The following VPS13B variants were observed in gnomAD, a reference collection of about 807,000 sequenced individuals.
VPS13B encodes vacuolar protein sorting 13 homolog B, also known as intermembrane lipid transfer protein VPS13B.
A neutral mutation model predicts 426.4 loss-of-function variants in VPS13B; 285 were observed. The observed-to-expected ratio is 0.67, with a 90% confidence interval of 0.61 to 0.74. The LOEUF is 0.74. VPS13B is among the 30% of genes least tolerant of loss of function. The pLI, the probability that VPS13B is intolerant of heterozygous loss-of-function variation, is 0.00. For missense variants in VPS13B, 4,537 were observed against 4,782.6 expected, an observed-to-expected ratio of 0.95 and a Z score of 1.51; for synonymous variants, 1,676 against 1,676.4, an observed-to-expected ratio of 1.00 and a Z score of 0.01.
At chr8:99,676,132 G>A (rs780358220) in intron 35 of VPS13B, among the ~76,000 whole-genome samples, 1 of 151,850 alleles carries the variant, frequency 6.6e-6, no homozygotes, top group Non-Finnish European at 1.5e-5. Flanking sequence ...GAACTTTTTG[G>A]TCATGTTGTC....
intron 17 of VPS13B, among the ~76,000 whole-genome samples, chr8:99,271,204 T>A (rs936380587): frequency 4.7e-4 from 52 of 109,782 alleles, no homozygotes; most frequent in African/African-American, 1.5e-3. Flanking sequence ...TAACTACTAC[T>A]ACTACTACTA....
intron 19 of VPS13B, among the ~76,000 whole-genome samples, chr8:99,295,984 G>C (rs1301532152): frequency 4.6e-5 from 7 of 152,116 alleles, no homozygotes; most frequent in Non-Finnish European, 1.0e-4. Context: ...AGTGAGCTCT[G>C]TTTGCATCAC....
At chr8:99,714,138 C>CAA (rs1166159886) in intron 36 of VPS13B, among the ~76,000 whole-genome samples, 3,332 of 65,000 alleles carry the variant, frequency 0.051, 84 homozygotes, top group East Asian at 0.11. Context: ...GACTCTGTCT[C>CAA]AAAAAAAAAA....
chr8:99,548,420 TA>T (rs1304996529), intron 30 of VPS13B, among the ~76,000 whole-genome samples: 2 of 151,886 alleles, frequency 1.3e-5, no homozygotes, highest in Non-Finnish European at 2.9e-5. Context: ...CCAAAAACTT[TA>T]AAAAAACTCT....
intron 35 of VPS13B, among the ~76,000 whole-genome samples, chr8:99,676,426 A>G (rs1830934956): frequency 6.6e-6 from 1 of 152,068 alleles, no homozygotes; most frequent in African/African-American, 2.4e-5. Context: ...GTACATGGGT[A>G]CTGACCTAAA....
intron 3 of VPS13B, among the ~76,000 whole-genome samples, chr8:99,059,521 C>T (rs912102634): frequency 6.6e-6 from 1 of 151,954 alleles, no homozygotes; most frequent in African/African-American, 2.4e-5. Flanking sequence ...TACAGTCTGC[C>T]CTCTGTACCA....
chr8:99,648,306 G>T (rs891421478), intron 34 of VPS13B, among the ~76,000 whole-genome samples: 15 of 152,116 alleles, frequency 9.9e-5, no homozygotes, highest in African/African-American at 3.1e-4. Context: ...GCCATGGAGG[G>T]TTGTGAAACA....
chr8:99,633,909 A>G (rs1828964203), intron 33 of VPS13B, among the ~76,000 whole-genome samples: 1 of 151,748 alleles, frequency 6.6e-6, no homozygotes, highest in South Asian at 2.1e-4. Context: ...GTATAAATCA[A>G]TTAGATCCAG....
intron 28 of VPS13B, among the ~76,000 whole-genome samples, chr8:99,507,436 G>T (rs1293731586): frequency 6.6e-6 from 1 of 152,148 alleles, no homozygotes; most frequent in Non-Finnish European, 1.5e-5. Flanking sequence ...AGAGGCAAAG[G>T]TAGGCTTGCT....
chr8:99,562,322 C>T (rs1349438859), intron 31 of VPS13B, among the ~76,000 whole-genome samples: 3 of 151,730 alleles, frequency 2.0e-5, no homozygotes, highest in Non-Finnish European at 4.4e-5. Flanking sequence ...GCTTTGTCAC[C>T]CAGGTTGGAG....
intron 43 of VPS13B, among the ~76,000 whole-genome samples, chr8:99,805,431 C>G (rs1813351543): frequency 6.6e-6 from 1 of 152,116 alleles, no homozygotes; most frequent in African/African-American, 2.4e-5. Context: ...TCCACTTTCT[C>G]TTCTTTGGTG....
intron 3 of VPS13B, among the ~76,000 whole-genome samples, chr8:99,044,591 C>T (rs1843123873): frequency 2.0e-5 from 3 of 151,546 alleles, no homozygotes; most frequent in South Asian, 2.1e-4. Context: ...TTTTGGTGCT[C>T]CCATCACACA....
intron 41 of VPS13B, 78 bp downstream of exon 41, chr8:99,777,034 C>A (rs1018144017): frequency 6.7e-7 from 1 of 1,497,558 alleles, no homozygotes; most frequent in South Asian, 1.1e-5. Flanking sequence ...AAAGAGAAGT[C>A]AACAATCTTA....
At chr8:99,158,358 C>G (rs184118139) in intron 15 of VPS13B, among the ~76,000 whole-genome samples, 176 of 152,222 alleles carry the variant, frequency 1.2e-3, no homozygotes, top group African/African-American at 3.9e-3. Context: ...TGGTGAAACC[C>G]CATCTCTACT....
chr8:99,784,284 C>T (rs775322397), intron 42 of VPS13B, 31 bp from the exon 43 acceptor site: 8 of 1,613,266 alleles, frequency 5.0e-6, no homozygotes, highest in South Asian at 2.2e-5. Flanking sequence ...TAATCCGATC[C>T]ATGTTGGCTT....
At chr8:99,444,881 T>C (rs1239473545) in intron 23 of VPS13B, among the ~76,000 whole-genome samples, 1 of 152,162 alleles carries the variant, frequency 6.6e-6, no homozygotes, top group African/African-American at 2.4e-5. Context: ...CAGGTTGGTA[T>C]CGAACTCCTG....
At position 99,821,426 on chromosome 8, in the gene VPS13B, G is replaced by A. The variant is rs757673565; in HGVS notation, c.9127G>A (p.Glu3043Lys). ...GGNGEVVTLD[E>K]EAFVDTEIRL... is the part of the protein sequence containing the mutation. ...TAATGGTGAAGTTGTGACACTGGAT[G>A]AAGAAGCGTTTGTTGATACTGAAAT... is the stretch of plus-strand genomic sequence containing the variant. The change falls in exon 50 of 62, where the codon GAA becomes AAA. Residue 3043 changes from glutamate to lysine, a missense_variant. Physicochemically the swap from Glu to Lys is moderately conservative, Grantham distance 56. Around this residue, in one of 2 missense-constraint regions of VPS13B, gnomAD observed 4,311 missense variants for 4,474.3 expected, o/e 0.96. Coordinates refer to ENST00000357162, the MANE Select transcript of VPS13B (RefSeq NM_152564.5). The A allele has an allele frequency of 6.2e-7, 1 of 1,613,862 alleles. No homozygotes were observed. Among genetic ancestry groups the A allele is most frequent in the South Asian group, 1.1e-5 (1 of 91,062 alleles).
At chr8:99,747,973 A>G (rs1241447178) in intron 39 of VPS13B, among the ~76,000 whole-genome samples, 1 of 151,776 alleles carries the variant, frequency 6.6e-6, no homozygotes, top group Non-Finnish European at 1.5e-5. Flanking sequence ...TGGTTGTTGG[A>G]TCTGTGTTGT....
chr8:99,841,658 C>T (rs993707257), intron 54 of VPS13B, among the ~76,000 whole-genome samples: 15 of 152,246 alleles, frequency 9.9e-5, no homozygotes, highest in African/African-American at 3.6e-4. Flanking sequence ...CCCAGCCTAC[C>T]TTCTGCCTAC....
Sources: allele counts gnomAD v4.1 joint callset (sites outside exome capture counted in the v4.1 genomes callset), GRCh38; gene constraint gnomAD v4.1.1; regional missense constraint gnomAD v4.1.1; transcripts MANE v1.5; gene names NCBI Gene and HGNC (gene_info 2026-07-23, HGNC 2026-07-21).